The following NCKAP1L variants were observed in gnomAD, a reference collection of about 807,000 sequenced individuals.
The protein encoded by NCKAP1L is NCK associated protein 1 like.
Under a neutral mutation model 139.2 loss-of-function variants are expected in NCKAP1L, and 53 were observed. The ratio of observed to expected loss-of-function variants is 0.38; its 90% CI spans 0.31 to 0.48. NCKAP1L has a LOEUF of 0.48. Among genes scored for constraint, NCKAP1L ranks in the 20% least tolerant of loss-of-function variants. The probability of loss-of-function intolerance (pLI) is 0.98; values close to 1 mark genes in which losing one functional copy is unlikely to be tolerated. For synonymous variants in NCKAP1L, 468 were observed against 499.7 expected (o/e 0.94, Z 0.85); for missense variants, 1,151 against 1,381.9 (o/e 0.83, Z 2.65).
At chr12:54,506,794 AAAATATATATATAT>A (rs1956842950) in intron 3 of NCKAP1L, among the ~76,000 whole-genome samples, 1 of 23,760 alleles carries the variant, frequency 4.2e-5, no homozygotes, top group East Asian at 3.6e-3. Flanking sequence ...TTAAAAAAAA[AAAATATATATATAT>A]ATATATATAT....
At chr12:54,524,278 C>T (rs747208609) in intron 20 of NCKAP1L, among the ~76,000 whole-genome samples, 3 of 152,174 alleles carry the variant, frequency 2.0e-5, no homozygotes, top group Admixed American at 6.5e-5. Flanking sequence ...GACATTGGAG[C>T]AGATCGTCCA....
In NCKAP1L at chr12:54,517,574, G is replaced by A; in HGVS notation, c.1137G>A (p.Glu379=). 6.2e-7 allele frequency: 1 copy of A among 1,614,084 alleles called. No homozygotes were observed. Among genetic ancestry groups the A allele is most frequent in the Non-Finnish European group, 8.5e-7 (1 of 1,180,018 alleles). The change falls in exon 12 of 31, where the codon GAG becomes GAA. Residue 379 remains glutamate (E), a synonymous_variant. Coordinates refer to ENST00000293373, the MANE Select transcript of NCKAP1L (RefSeq NM_005337.5). The part of the protein sequence containing the change: ...AFMALSFIRD[E]VTWLVRHTEN... ...TGGCCCTGTCCTTCATTCGTGATGA[G>A]GTCACCTGGCTGGTTCGCCACACAG...
rs148571172 is a variant in NCKAP1L, at chr12:54,526,726, C to T, written c.2355C>T (p.Ile785=). 16 of 1,614,010 alleles carry T rather than the reference C, an allele frequency of 9.9e-6. No individual in the cohort carries two copies. In the African/African-American group the frequency reaches 1.6e-4, roughly 16 times the overall value. The change falls in exon 21 of 31, where the codon ATC becomes ATT. Residue 785 remains isoleucine, a synonymous_variant. Coordinates refer to ENST00000293373, the MANE Select transcript of NCKAP1L (RefSeq NM_005337.5). ...QPLDSCGEQT[I]TTLYTNWYLE... is the part of the protein sequence containing the mutation. ...TGGATTCCTGTGGGGAACAGACAAT[C>T]ACCACACTCTACACAAACTGGTCAG...
intron 3 of NCKAP1L, 26 bp downstream of exon 3, chr12:54,500,651 T>C (rs772529518): frequency 1.4e-6 from 2 of 1,421,796 alleles, no homozygotes; most frequent in Non-Finnish European, 2.0e-6. Flanking sequence ...CCGTTTCCAA[T>C]GTAGGCAAGG....
chr12:54,531,704 C>T, intron 24 of NCKAP1L, 39 bp from the exon 25 acceptor site: 1 of 1,606,202 alleles, frequency 6.2e-7, no homozygotes. Context: ...ACCAATCCCT[C>T]TCTAAATTAT....
chr12:54,507,429 G>A (rs534399657), intron 3 of NCKAP1L, among the ~76,000 whole-genome samples: 9 of 152,266 alleles, frequency 5.9e-5, no homozygotes, highest in South Asian at 4.1e-4. Context: ...CAGTATTCCC[G>A]TTTGTTAATA....
intron 9 of NCKAP1L, among the ~76,000 whole-genome samples, chr12:54,513,220 T>C (rs577108659): frequency 6.6e-6 from 1 of 152,354 alleles, no homozygotes; most frequent in African/African-American, 2.4e-5. Flanking sequence ...TGTCGAGGTT[T>C]CTGGCGTGGA....
Position 54,514,613 on chromosome 12 carries a change from G to A in NCKAP1L, c.942-1626G>A, listed in dbSNP as rs185860872. ...GCTGGGATTACAGGCGTGAGCCACC[G>A]CGCCTGGCCTTGAATCTGTGAATAT... On this transcript the variant is annotated intron_variant, in intron 9 of 30. Transcript: ENST00000293373. Among the ~76,000 whole-genome samples the A allele has an allele frequency of 1.0e-3, 156 of 152,256 alleles. 3 individuals are homozygous for A. The South Asian group carries it at 0.012, about 11-fold the overall frequency.
chr12:54,519,004 C>G, intron 15 of NCKAP1L, 32 bp downstream of exon 15: 1 of 1,592,826 alleles, frequency 6.3e-7, no homozygotes, highest in Non-Finnish European at 8.6e-7. Context: ...AGATTCTCAT[C>G]CTCAGATTCT....
chr12:54,507,976 C>G, intron 4 of NCKAP1L, 67 bp downstream of exon 4: 1 of 1,407,288 alleles, frequency 7.1e-7, no homozygotes, highest in Non-Finnish European at 1.0e-6. Flanking sequence ...GTTGGGAGGT[C>G]TAGGTCTACT....
chr12:54,538,020 A>G (rs1003175197), intron 29 of NCKAP1L, among the ~76,000 whole-genome samples: 3 of 152,186 alleles, frequency 2.0e-5, no homozygotes, highest in Non-Finnish European at 4.4e-5. Context: ...CTTCTGATAC[A>G]TGGTCCATTC....
In NCKAP1L at chr12:54,510,812, G is replaced by A. The variant is rs533745521; in HGVS notation, c.735+827G>A. On this transcript the variant is annotated intron_variant, in intron 7 of 30. Transcript: ENST00000293373. ...GCTGGGATTACAGGCGTGAGCCACC[G>A]CGCCCAGCCTGTTTATTTTTTTGTA... Among the ~76,000 whole-genome samples the A allele has an allele frequency of 9.2e-4, 139 of 151,586 alleles. 1 individual carries two copies. The highest frequency in any genetic ancestry group is 3.0e-3 in the African/African-American group (122 of 41,312).
intron 26 of NCKAP1L, among the ~76,000 whole-genome samples, chr12:54,534,793 A>G (rs1288634592): frequency 3.3e-5 from 5 of 152,118 alleles, no homozygotes; most frequent in African/African-American, 1.2e-4. Flanking sequence ...TAGGATAGGG[A>G]GAGCTATGAA....
Position 54,499,477 on chromosome 12 carries a change from G to A in NCKAP1L, c.213+12G>A, listed in dbSNP as rs1489464876. 4.3e-6 allele frequency: 6 copies of A among 1,410,144 alleles called. No homozygotes were observed. Among genetic ancestry groups the A allele is most frequent in the East Asian group, 4.6e-5 (2 of 43,916 alleles). 87.4% of individuals were successfully genotyped at this position (1,410,144 alleles called of 1,614,324 possible). A position where few individuals can be genotyped will look rare whatever the true frequency, so the allele number is the denominator to read the frequency against. ...TCCGAAACAGCACGGTGAGAACTTG[G>A]TCCTTCTCTCCTTTCTCTGAATAAT... On this transcript the variant is annotated intron_variant, in intron 2 of 30. Transcript: ENST00000293373.
chr12:54,523,375 C>T lies in NCKAP1L; in HGVS notation c.1879-19C>T, dbSNP rs980331795. The T allele has an allele frequency of 1.2e-6, 2 of 1,603,890 alleles. No homozygotes were observed. The highest frequency in any genetic ancestry group is 1.7e-6 in the Non-Finnish European group (2 of 1,176,882). On this transcript the variant is annotated intron_variant, in intron 18 of 30. Coordinates refer to ENST00000293373, the MANE Select transcript of NCKAP1L (RefSeq NM_005337.5). ...GCAACAAATCCCCTTTCTCCATTTA[C>T]CTGTGTTTGTTTCTGAAGCTTCTAC...
chr12:54,534,507 C>G (rs541583174), intron 26 of NCKAP1L, among the ~76,000 whole-genome samples: 1 of 152,084 alleles, frequency 6.6e-6, no homozygotes, highest in Non-Finnish European at 1.5e-5. Flanking sequence ...GTGGTACCAA[C>G]GTAAGGAGGG....
At chr12:54,509,127 A>C (rs1007079714) in intron 5 of NCKAP1L, among the ~76,000 whole-genome samples, 5 of 152,240 alleles carry the variant, frequency 3.3e-5, no homozygotes, top group Non-Finnish European at 7.3e-5. Flanking sequence ...ATTTGAAGCC[A>C]AATATAAATG....
At chr12:54,506,824 T>TATATATATATATATATATATA (rs71070825) in intron 3 of NCKAP1L, among the ~76,000 whole-genome samples, 13 of 137,780 alleles carry the variant, frequency 9.4e-5, no homozygotes, top group East Asian at 2.1e-4. Context: ...TATATATATA[T>TATATATATATATATATATATA]TCCTTAATCT....
At chr12:54,536,061 C>T in intron 27 of NCKAP1L, 68 bp from the exon 28 acceptor site, 1 of 1,115,060 alleles carries the variant, frequency 9.0e-7, no homozygotes. Context: ...AGTAGGACCC[C>T]TGTAACAGAT....
Sources: allele counts gnomAD v4.1 joint callset (sites outside exome capture counted in the v4.1 genomes callset), GRCh38; gene constraint gnomAD v4.1.1; transcripts MANE v1.5; gene names NCBI Gene and HGNC (gene_info 2026-07-23, HGNC 2026-07-21).